The following MAP2K4 variants were observed in gnomAD, a reference collection of about 807,000 sequenced individuals.
MAP2K4 encodes the protein mitogen-activated protein kinase kinase 4.
Under a neutral mutation model 48.5 loss-of-function variants are expected in MAP2K4, and 4 were observed. The ratio of observed to expected loss-of-function variants is 0.08; its 90% CI spans 0.04 to 0.19. MAP2K4 has a LOEUF of 0.19. Ranked by LOEUF, MAP2K4 falls within the 10% of genes least tolerant of loss-of-function variation. The probability of loss-of-function intolerance (pLI) is 1.00; values close to 1 mark genes in which losing one functional copy is unlikely to be tolerated. For synonymous variants in MAP2K4, 166 were observed against 173.1 expected, an observed-to-expected ratio of 0.96 and a Z score of 0.32; for missense variants, 258 against 493.3, an observed-to-expected ratio of 0.52 and a Z score of 4.52.
At chr17:12,091,680 C>T (rs949853580) in intron 3 of MAP2K4, among the ~76,000 whole-genome samples, 6 of 151,940 alleles carry the variant, frequency 3.9e-5, no homozygotes, top group Admixed American at 3.3e-4. Context: ...GTGATGTTGG[C>T]ATTTCTGACC....
chr17:12,142,588 G>A lies in MAP2K4; in HGVS notation c.*1328G>A, dbSNP rs4792219. 56,541 of 232,832 alleles carry A rather than the reference G, an allele frequency of 0.24. 7,322 individuals carry two copies. The highest frequency in any genetic ancestry group is 0.28 in the Non-Finnish European group (32,525 of 117,848). The allele number at this position is 232,832 out of a possible 1,614,324, so 14.4% of individuals were successfully genotyped here. On this transcript the variant is annotated 3_prime_UTR_variant, in exon 11 of 11. Coordinates refer to ENST00000353533, the MANE Select transcript of MAP2K4 (RefSeq NM_003010.4). ...AGGCATCTTTTCTAGAGACACATTG[G>A]ACCAGATGAGGATCCGAAACGGCAG...
chr17:12,127,698 A>C (rs1296644167), intron 8 of MAP2K4, among the ~76,000 whole-genome samples: 1 of 152,232 alleles, frequency 6.6e-6, no homozygotes, highest in Admixed American at 6.5e-5. Context: ...CACAAGAAGG[A>C]ATCTAATGAA....
At chr17:12,088,568 A>AATATATGTAATATATAATATATATTAAAT (rs1971456138) in intron 3 of MAP2K4, among the ~76,000 whole-genome samples, 1 of 133,196 alleles carries the variant, frequency 7.5e-6, no homozygotes, top group Non-Finnish European at 1.6e-5. Context: ...ATATATATTA[A>AATATATGTAATATATAATATATATTAAAT]ATATATAATA....
chr17:12,058,516 G>A (rs1970354834), intron 2 of MAP2K4, among the ~76,000 whole-genome samples: 1 of 152,028 alleles, frequency 6.6e-6, no homozygotes, highest in African/African-American at 2.4e-5. Flanking sequence ...TGTGTTATAG[G>A]TTATAGTTTT....
intron 4 of MAP2K4, among the ~76,000 whole-genome samples, 194 bp downstream of exon 4, chr17:12,095,888 CGTGTGTTTGTGT>C (rs1971723836): frequency 8.2e-6 from 1 of 122,520 alleles, no homozygotes; most frequent in Non-Finnish European, 1.7e-5. Context: ...GTGAATCACA[CGTGTGTTTGTGT>C]GTGTGTGTGT....
chr17:12,129,560 A>G (rs1375042597), intron 9 of MAP2K4, among the ~76,000 whole-genome samples: 2 of 152,216 alleles, frequency 1.3e-5, no homozygotes, highest in Non-Finnish European at 2.9e-5. Context: ...TACCTGGTAC[A>G]AGAAATACCA....
intron 2 of MAP2K4, among the ~76,000 whole-genome samples, chr17:12,078,324 T>G (rs1428153191): frequency 6.6e-6 from 1 of 152,142 alleles, no homozygotes; most frequent in Non-Finnish European, 1.5e-5. Flanking sequence ...GGGTGATCTG[T>G]ATAAAATAAT....
intron 3 of MAP2K4, among the ~76,000 whole-genome samples, chr17:12,092,896 G>T (rs371183887): frequency 6.6e-6 from 1 of 152,058 alleles, no homozygotes; most frequent in Non-Finnish European, 1.5e-5. Context: ...AGTGGTGGCG[G>T]GCGCCTGTAG....
intron 2 of MAP2K4, among the ~76,000 whole-genome samples, chr17:12,070,768 T>C (rs1012629656): frequency 5.3e-5 from 8 of 152,202 alleles, no homozygotes; most frequent in South Asian, 2.1e-4. Context: ...TGCAGGAGAC[T>C]AGTGGCTTGC....
chr17:12,067,141 A>G (rs1358711456), intron 2 of MAP2K4, among the ~76,000 whole-genome samples: 1 of 152,178 alleles, frequency 6.6e-6, no homozygotes, highest in Non-Finnish European at 1.5e-5. Context: ...ATTCTTAGTT[A>G]TATAGTATTC....
intron 4 of MAP2K4, 100 bp downstream of exon 4, chr17:12,095,794 TAAG>T: frequency 3.1e-6 from 4 of 1,300,682 alleles, no homozygotes; most frequent in Non-Finnish European, 4.3e-6. Flanking sequence ...ACATTAGTAA[TAAG>T]TTAATATCTC....
At chr17:12,114,082 C>G (rs536937627) in intron 7 of MAP2K4, among the ~76,000 whole-genome samples, 1 of 152,296 alleles carries the variant, frequency 6.6e-6, no homozygotes, top group East Asian at 1.9e-4. Flanking sequence ...GTGGTTGTTT[C>G]TTGAGGCCTC....
chr17:12,052,929 T>C (rs1490999224), intron 1 of MAP2K4, among the ~76,000 whole-genome samples: 5 of 152,030 alleles, frequency 3.3e-5, no homozygotes, highest in Admixed American at 3.3e-4. Context: ...CAAAATACAT[T>C]TACCCTACCC....
chr17:12,110,983 A>G (rs1972286145), intron 6 of MAP2K4, among the ~76,000 whole-genome samples: 1 of 152,212 alleles, frequency 6.6e-6, no homozygotes, highest in African/African-American at 2.4e-5. Context: ...GGCCAGACCT[A>G]GAAAAGTAGT....
At chr17:12,076,730 A>G (rs1056784146) in intron 2 of MAP2K4, among the ~76,000 whole-genome samples, 1 of 152,008 alleles carries the variant, frequency 6.6e-6, no homozygotes, top group African/African-American at 2.4e-5. Flanking sequence ...TTCTGGGTGT[A>G]TGTGCATGTG....
chr17:12,111,611 G>A (rs553374721), intron 6 of MAP2K4, among the ~76,000 whole-genome samples: 2 of 151,920 alleles, frequency 1.3e-5, no homozygotes, highest in African/African-American at 4.8e-5. Flanking sequence ...CTGGGGAGTA[G>A]TTGAATAAAA....
At chr17:12,089,175 G>A (rs1971482937) in intron 3 of MAP2K4, among the ~76,000 whole-genome samples, 1 of 152,150 alleles carries the variant, frequency 6.6e-6, no homozygotes, top group Non-Finnish European at 1.5e-5. Context: ...GCCTCCTAAA[G>A]TGCTGGGATT....
chr17:12,122,693 G>A (rs745548364), intron 7 of MAP2K4, among the ~76,000 whole-genome samples: 4 of 152,044 alleles, frequency 2.6e-5, no homozygotes, highest in Non-Finnish European at 4.4e-5. Context: ...ATAATAGTAG[G>A]CATATTTGCC....
chr17:12,085,439 A>T (rs577522660), intron 3 of MAP2K4, among the ~76,000 whole-genome samples: 39 of 151,802 alleles, frequency 2.6e-4, no homozygotes, highest in Admixed American at 9.8e-4. Flanking sequence ...AATCAGGAAA[A>T]ACAGATCTGT....
Sources: allele counts gnomAD v4.1 joint callset (sites outside exome capture counted in the v4.1 genomes callset), GRCh38; gene constraint gnomAD v4.1.1; transcripts MANE v1.5; gene names NCBI Gene and HGNC (gene_info 2026-07-23, HGNC 2026-07-21).